The following DYRK1A variants were observed in gnomAD, a reference collection of about 807,000 sequenced individuals.
DYRK1A encodes dual specificity tyrosine-phosphorylation-regulated kinase 1A.
In DYRK1A, 9 loss-of-function variants were observed where a neutral mutation model predicts 79.7. The observed-to-expected ratio is 0.11, with a 90% CI of 0.07 to 0.20. The LOEUF is 0.20. DYRK1A is among the 10% of genes least tolerant of loss of function. DYRK1A has a pLI of 1.00. For missense variants in DYRK1A, 622 were observed against 956.0 expected (o/e 0.65, Z 4.61); for synonymous variants, 349 against 329.7 (o/e 1.06, Z -0.63).
intron 1 of DYRK1A, among the ~76,000 whole-genome samples, chr21:37,413,105 T>C (rs1269911291): frequency 6.6e-6 from 1 of 152,146 alleles, no homozygotes; most frequent in Non-Finnish European, 1.5e-5. Flanking sequence ...TAAGAATTTT[T>C]AAGGGGGTAG....
intron 2 of DYRK1A, among the ~76,000 whole-genome samples, chr21:37,442,064 G>T (rs553384050): frequency 2.7e-5 from 4 of 150,026 alleles, no homozygotes; most frequent in African/African-American, 9.8e-5. Context: ...CTGCTCTCTC[G>T]CATTGTTTCT....
upstream of DYRK1A, chr21:37,365,760 C>G (rs530661966): frequency 1.3e-5 from 2 of 152,484 alleles, no homozygotes; most frequent in East Asian, 1.9e-4. Context: ...AGCTGGACGA[C>G]AAGGACACAG....
intron 9 of DYRK1A, chr21:37,502,992 T>C (rs2053495247): frequency 6.6e-6 from 1 of 152,244 alleles, no homozygotes; most frequent in African/African-American, 2.4e-5. Context: ...TCAGTGGTTA[T>C]TCTTAGCATT....
intron 1 of DYRK1A, among the ~76,000 whole-genome samples, chr21:37,380,045 A>T (rs1397564777): frequency 6.6e-6 from 1 of 152,222 alleles, no homozygotes; most frequent in South Asian, 2.1e-4. Context: ...TAAAGCGAAC[A>T]TAGAGTCTAT....
intron 8 of DYRK1A, among the ~76,000 whole-genome samples, chr21:37,495,005 C>T (rs1439179334): frequency 6.6e-6 from 1 of 151,454 alleles, no homozygotes; most frequent in Non-Finnish European, 1.5e-5. Context: ...CCCACTATAA[C>T]ATAAACTTCT....
chr21:37,395,773 C>G (rs2049949891), intron 1 of DYRK1A, among the ~76,000 whole-genome samples: 1 of 152,096 alleles, frequency 6.6e-6, no homozygotes, highest in South Asian at 2.1e-4. Context: ...GAAAAACATT[C>G]TAGATGGGTG....
intron 7 of DYRK1A, 38 bp from the exon 8 acceptor site, chr21:37,492,979 A>G: frequency 1.3e-6 from 2 of 1,518,300 alleles, no homozygotes; most frequent in Non-Finnish European, 1.8e-6. Flanking sequence ...CTGCAGTTTT[A>G]AGCAATTGAA....
chr21:37,411,760 A>G (rs980239716), intron 1 of DYRK1A, among the ~76,000 whole-genome samples: 3 of 152,230 alleles, frequency 2.0e-5, no homozygotes, highest in Non-Finnish European at 4.4e-5. Flanking sequence ...GAGAATACAG[A>G]TAAGAATGAC....
At chr21:37,406,265 C>T (rs903772009) in intron 1 of DYRK1A, among the ~76,000 whole-genome samples, 4 of 152,154 alleles carry the variant, frequency 2.6e-5, no homozygotes, top group East Asian at 3.9e-4. Context: ...TTTAGTTAAC[C>T]AGAAGCATAC....
At chr21:37,462,893 A>G (rs1056392204) in intron 2 of DYRK1A, among the ~76,000 whole-genome samples, 6 of 152,106 alleles carry the variant, frequency 3.9e-5, no homozygotes, top group African/African-American at 1.4e-4. Flanking sequence ...GTTATTTCGT[A>G]TGTTTTGACT....
At chr21:37,482,354 T>G (rs767094555) in intron 5 of DYRK1A, among the ~76,000 whole-genome samples, 17 of 152,256 alleles carry the variant, frequency 1.1e-4, no homozygotes, top group Non-Finnish European at 2.1e-4. Flanking sequence ...AGAGAAATAT[T>G]TTAAAGCTGG....
At position 37,512,691 on chromosome 21, in the gene DYRK1A, A is replaced by G. The variant is rs1047468677; in HGVS notation, c.*160A>G. Reference sequence around the variant, plus strand: ...TTTTTTTTAACTTGAAAAGATTGCAAAGGGACATTGAAGTGTTTAAAAGAG... The same window carrying G: ...TTTTTTTTAACTTGAAAAGATTGCAGAGGGACATTGAAGTGTTTAAAAGAG... On this transcript the variant is annotated 3_prime_UTR_variant, in exon 12 of 12. Transcript: ENST00000647188. The G allele has an allele frequency of 1.2e-4, 95 of 805,022 alleles. No individual in the cohort carries two copies. Among genetic ancestry groups the G allele is most frequent in the South Asian group, 5.3e-4 (28 of 53,100 alleles). 49.9% of individuals were successfully genotyped at this position (805,022 alleles called of 1,614,324 possible).
At position 37,514,641 on chromosome 21, in the gene DYRK1A, TTTTGTTG is replaced by T. The variant is rs2148667241; in HGVS notation, c.*2114_*2120del. 2.0e-5 allele frequency: 3 copies of T among 152,730 alleles called. No individual in the cohort carries two copies. Among genetic ancestry groups the T allele is most frequent in the Non-Finnish European group, 4.4e-5 (3 of 68,028 alleles). 9.5% of individuals were successfully genotyped at this position (152,730 alleles called of 1,614,324 possible). A position where few individuals can be genotyped will look rare whatever the true frequency, so the allele number is the denominator to read the frequency against. The stretch of plus-strand genomic sequence containing the variant: ...CTCGTTTTTATAAACTACAAAAACT[TTTTGTTG>T]TTTATCAGGAAATCCATATTTATTT... On this transcript the variant is annotated 3_prime_UTR_variant, in exon 12 of 12. Coordinates refer to ENST00000647188, the MANE Select transcript of DYRK1A (RefSeq NM_001347721.2).
rs2049993192 is a variant in DYRK1A, at chr21:37,398,210, G to A, written c.-76-22089G>A. On this transcript the variant is annotated intron_variant, in intron 1 of 11. Coordinates refer to ENST00000647188, the MANE Select transcript of DYRK1A (RefSeq NM_001347721.2). ...CACAAAATAGTTAGCCTGGCACAGTGGCAGGCACCTGTAATCCTAGCTACT... is the reference window on the plus strand; with the variant it reads ...CACAAAATAGTTAGCCTGGCACAGTAGCAGGCACCTGTAATCCTAGCTACT... 2.6e-5 allele frequency among the ~76,000 whole-genome samples: 4 copies of A among 151,184 alleles called. No individual in the cohort carries two copies. The South Asian group carries it at 8.3e-4, about 32-fold the overall frequency.
intron 1 of DYRK1A, among the ~76,000 whole-genome samples, chr21:37,403,007 GC>G (rs540313994): frequency 4.0e-4 from 61 of 151,748 alleles, no homozygotes; most frequent in Admixed American, 9.9e-4. Context: ...CAGGTGATCT[GC>G]CCCCCCTCAG....
chr21:37,457,738 A>G (rs903876009), intron 2 of DYRK1A, among the ~76,000 whole-genome samples: 2 of 152,196 alleles, frequency 1.3e-5, no homozygotes, highest in Admixed American at 6.5e-5. Flanking sequence ...AATATCTTGT[A>G]TGTTTAACAG....
At chr21:37,407,860 GTC>G (rs1458015308) in intron 1 of DYRK1A, among the ~76,000 whole-genome samples, 7 of 152,162 alleles carry the variant, frequency 4.6e-5, no homozygotes, top group African/African-American at 1.7e-4. Context: ...GGTGGAATCT[GTC>G]TCTATTGCCC....
At chr21:37,429,517 A>G (rs1374688484) in intron 2 of DYRK1A, among the ~76,000 whole-genome samples, 5 of 152,194 alleles carry the variant, frequency 3.3e-5, no homozygotes, top group South Asian at 2.1e-4. Context: ...AGCAGGAGGA[A>G]AAGAGAGAAG....
At chr21:37,420,162 G>T in intron 1 of DYRK1A, 137 bp from the exon 2 acceptor site, 1 of 368,098 alleles carries the variant, frequency 2.7e-6, no homozygotes. Flanking sequence ...AAGTTTGAAT[G>T]TTAGAAAATG....
Sources: gnomAD v4.1 joint callset for allele counts (sites outside exome capture counted in the v4.1 genomes callset) on GRCh38, gnomAD v4.1.1 for gene constraint, MANE v1.5 for transcripts, NCBI Gene and HGNC (gene_info 2026-07-23, HGNC 2026-07-21) for gene names.